The following RORA variants were observed in gnomAD, a reference collection of about 807,000 sequenced individuals.
The protein encoded by RORA is nuclear receptor ROR-alpha.
RORA carries 7 observed loss-of-function variants against 69.5 expected under a neutral mutation model. The observed-to-expected ratio is 0.10, with a 90% CI of 0.06 to 0.19. RORA has a LOEUF of 0.19. RORA is among the 10% of genes least tolerant of loss of function. RORA has a pLI of 1.00. For missense variants in RORA, 457 were observed against 663.0 expected, an observed-to-expected ratio of 0.69 and a Z score of 3.41; for synonymous variants, 261 against 240.8, an observed-to-expected ratio of 1.08 and a Z score of -0.78.
At chr15:60,909,206 C>A (rs1456837231) in intron 1 of RORA, among the ~76,000 whole-genome samples, 1 of 152,228 alleles carries the variant, frequency 6.6e-6, no homozygotes, top group East Asian at 1.9e-4. Flanking sequence ...TGCAAGGACA[C>A]TGGCTCCCAA....
At chr15:61,066,903 A>G (rs977794970) in intron 1 of RORA, among the ~76,000 whole-genome samples, 1 of 149,376 alleles carries the variant, frequency 6.7e-6, no homozygotes, top group Non-Finnish European at 1.5e-5. Flanking sequence ...AAAAAAAAAA[A>G]AAACCCAAAA....
intron 1 of RORA, among the ~76,000 whole-genome samples, chr15:60,837,857 G>A (rs182911501): frequency 6.6e-5 from 10 of 152,246 alleles, no homozygotes; most frequent in East Asian, 1.9e-4. Flanking sequence ...TGAGTTGTCC[G>A]CTTTGCATGC....
intron 1 of RORA, among the ~76,000 whole-genome samples, chr15:61,012,692 G>A (rs1213599717): frequency 1.3e-5 from 2 of 151,454 alleles, no homozygotes; most frequent in South Asian, 2.1e-4. Flanking sequence ...TTCTGTCACC[G>A]AGGCTAGAGT....
At chr15:60,760,344 C>T (rs543388138) in intron 1 of RORA, among the ~76,000 whole-genome samples, 1 of 152,166 alleles carries the variant, frequency 6.6e-6, no homozygotes, top group Admixed American at 6.5e-5. Flanking sequence ...AGAAAGGATT[C>T]CCTTAGTCTG....
At chr15:61,100,774 C>T (rs2078868282) in intron 1 of RORA, among the ~76,000 whole-genome samples, 3 of 152,196 alleles carry the variant, frequency 2.0e-5, no homozygotes, top group Admixed American at 2.0e-4. Context: ...TAGAGCACGG[C>T]TTATCTTACA....
At chr15:60,659,735 G>A (rs2070276700) in intron 2 of RORA, among the ~76,000 whole-genome samples, 1 of 151,832 alleles carries the variant, frequency 6.6e-6, no homozygotes, top group Admixed American at 6.6e-5. Context: ...ACAACAAGGA[G>A]GTGAAAAAAA....
chr15:60,952,561 T>C (rs1261078054), intron 1 of RORA, among the ~76,000 whole-genome samples: 4 of 152,078 alleles, frequency 2.6e-5, no homozygotes, highest in African/African-American at 9.7e-5. Flanking sequence ...CAGCCCAAAA[T>C]CTGCTTAAGC....
chr15:60,653,987 C>T (rs970625912), intron 2 of RORA, among the ~76,000 whole-genome samples: 1 of 152,130 alleles, frequency 6.6e-6, no homozygotes, highest in East Asian at 1.9e-4. Flanking sequence ...TATCAGGAGA[C>T]CCTGACCTTT....
At chr15:60,507,509 A>G (rs1052680106) in intron 5 of RORA, among the ~76,000 whole-genome samples, 3 of 152,254 alleles carry the variant, frequency 2.0e-5, no homozygotes, top group African/African-American at 7.2e-5. Flanking sequence ...AACATAAAAA[A>G]TAAAACACAA....
At chr15:61,183,274 G>A (rs868428602) in intron 1 of RORA, among the ~76,000 whole-genome samples, 2 of 152,168 alleles carry the variant, frequency 1.3e-5, no homozygotes, top group Non-Finnish European at 2.9e-5. Flanking sequence ...GGTGGCTCAC[G>A]CTTGTAATCC....
At position 60,514,597 on chromosome 15, in the gene RORA, T is replaced by C; in HGVS notation, c.424+19A>G. Reference sequence around the variant, plus strand: ...TCACAACCCCGTGCAACTGTACAACTCAAGCTGTGAGAGCTCACCATCTCG... The same window carrying C: ...TCACAACCCCGTGCAACTGTACAACCCAAGCTGTGAGAGCTCACCATCTCG... On this transcript the variant is annotated intron_variant, in intron 4 of 10. Transcript: ENST00000335670. 1 of 1,613,456 alleles carries C rather than the reference T, an allele frequency of 6.2e-7. No individual in the cohort carries two copies. Among genetic ancestry groups the C allele is most frequent in the Non-Finnish European group, 8.5e-7 (1 of 1,179,570 alleles).
chr15:60,884,886 G>A (rs540763216), intron 1 of RORA, among the ~76,000 whole-genome samples: 1 of 152,274 alleles, frequency 6.6e-6, no homozygotes, highest in East Asian at 1.9e-4. Flanking sequence ...AGGTTTTAGG[G>A]ACATAGAGCA....
chr15:60,768,361 GA>G (rs1328511074), intron 1 of RORA, among the ~76,000 whole-genome samples: 3 of 152,180 alleles, frequency 2.0e-5, no homozygotes, highest in African/African-American at 7.2e-5. Context: ...AGTTAATCAA[GA>G]AAGAAACAAT....
At chr15:60,948,940 G>A (rs971039029) in intron 1 of RORA, among the ~76,000 whole-genome samples, 13 of 152,226 alleles carry the variant, frequency 8.5e-5, no homozygotes, top group African/African-American at 3.1e-4. Context: ...TTGTTCCAGA[G>A]CAGGAGAGAT....
chr15:60,884,323 C>A (rs2073727600), intron 1 of RORA, among the ~76,000 whole-genome samples: 2 of 136,816 alleles, frequency 1.5e-5, no homozygotes, highest in African/African-American at 2.6e-5. Flanking sequence ...ATTCTCACAT[C>A]CTTTGTAGAA....
chr15:61,063,973 G>A (rs1395209947), intron 1 of RORA, among the ~76,000 whole-genome samples: 2 of 152,122 alleles, frequency 1.3e-5, no homozygotes, highest in Non-Finnish European at 2.9e-5. Flanking sequence ...TCACCTTGCC[G>A]GGGCTCTTTC....
chr15:60,943,508 A>G (rs1892764265), intron 1 of RORA, among the ~76,000 whole-genome samples: 1 of 152,140 alleles, frequency 6.6e-6, no homozygotes, highest in Non-Finnish European at 1.5e-5. Context: ...CCACTGTTTT[A>G]GAGGACTGTA....
At chr15:60,530,638 TGAA>T (rs2066499263) in intron 3 of RORA, 1 of 152,220 alleles carries the variant, frequency 6.6e-6, no homozygotes, top group Admixed American at 6.5e-5. Context: ...AACAGTAAAA[TGAA>T]GAATTAAGGA....
Position 61,229,035 on chromosome 15 carries a change from C to T in RORA, c.166+18G>A. On this transcript the variant is annotated intron_variant, in intron 1 of 10. Transcript: ENST00000335670. ...GGGCTCCCGCCGCCCCCTCCCCAGC[C>T]CCTCTCCAGCCTCCTACCTCTGCTG... 6.8e-7 allele frequency: 1 copy of T among 1,463,352 alleles called. No homozygotes were observed. The highest frequency in any genetic ancestry group is 2.3e-5 in the Admixed American group (1 of 44,294). 90.6% of individuals were successfully genotyped at this position (1,463,352 alleles called of 1,614,324 possible). A position where few individuals can be genotyped will look rare whatever the true frequency, so the allele number is the denominator to read the frequency against.
Sources: gnomAD v4.1 joint callset for allele counts (sites outside exome capture counted in the v4.1 genomes callset) on GRCh38, gnomAD v4.1.1 for gene constraint, MANE v1.5 for transcripts, NCBI Gene and HGNC (gene_info 2026-07-23, HGNC 2026-07-21) for gene names.